The following SYNE2 variants were observed in gnomAD, a reference collection of about 807,000 sequenced individuals.
SYNE2 encodes nesprin-2.
A neutral mutation model predicts 856.3 loss-of-function variants in SYNE2; 431 were observed. That is an observed-to-expected ratio of 0.50 (90% CI 0.47 to 0.55). The LOEUF (loss-of-function observed/expected upper bound fraction) is 0.55, where lower values mean the gene tolerates loss of function less well. Ranked by LOEUF, SYNE2 falls within the 20% of genes least tolerant of loss-of-function variation. The probability of loss-of-function intolerance (pLI) is 0.00; values close to 1 mark genes in which losing one functional copy is unlikely to be tolerated. For synonymous variants in SYNE2, 2,923 were observed against 2,872.3 expected (o/e 1.02, Z -0.56); for missense variants, 8,129 against 8,023.2 (o/e 1.01, Z -0.50).
At chr14:64,063,929 C>T (rs557194107) in intron 50 of SYNE2, among the ~76,000 whole-genome samples, 1 of 152,028 alleles carries the variant, frequency 6.6e-6, no homozygotes, top group Non-Finnish European at 1.5e-5. Context: ...CTGTACACGC[C>T]TATGATAAAG....
At chr14:64,121,501 G>A (rs2097898202) in intron 68 of SYNE2, among the ~76,000 whole-genome samples, 1 of 152,180 alleles carries the variant, frequency 6.6e-6, no homozygotes, top group African/African-American at 2.4e-5. Flanking sequence ...CTAACCTGGG[G>A]TGATAGCGTG....
intron 85 of SYNE2, among the ~76,000 whole-genome samples, chr14:64,156,763 T>C (rs1450059460): frequency 3.3e-5 from 5 of 152,230 alleles, no homozygotes; most frequent in Non-Finnish European, 4.4e-5. Flanking sequence ...CTGGCCGCCT[T>C]CTTTATTTTC....
intron 32 of SYNE2, among the ~76,000 whole-genome samples, chr14:64,014,964 T>TACAC (rs1422283119): frequency 4.0e-5 from 2 of 49,790 alleles, no homozygotes; most frequent in African/African-American, 1.3e-4. Context: ...TATATATATA[T>TACAC]ATATATATAT....
chr14:63,941,379 T>C (rs546869750), intron 3 of SYNE2, among the ~76,000 whole-genome samples: 37 of 152,332 alleles, frequency 2.4e-4, no homozygotes, highest in African/African-American at 7.7e-4. Context: ...AGAAATGTAA[T>C]CTGCTTTCCA....
chr14:63,842,881 T>C (rs1275803129), intron 1 of SYNE2, among the ~76,000 whole-genome samples: 1 of 152,188 alleles, frequency 6.6e-6, no homozygotes, highest in Non-Finnish European at 1.5e-5. Context: ...TGTTTTCAGG[T>C]TTTTCTCATA....
At chr14:63,777,760 C>T (rs2139725946) in intron 1 of SYNE2, among the ~76,000 whole-genome samples, 1 of 152,234 alleles carries the variant, frequency 6.6e-6, no homozygotes, top group East Asian at 1.9e-4. Context: ...CCCGGAACTC[C>T]TGGGCCTAAG....
chr14:63,983,649 A>C, intron 17 of SYNE2, 88 bp from the exon 18 acceptor site: 1 of 1,111,618 alleles, frequency 9.0e-7, no homozygotes, highest in Non-Finnish European at 1.3e-6. Context: ...CATATATTTG[A>C]ATATATTACA....
intron 1 of SYNE2, among the ~76,000 whole-genome samples, chr14:63,858,610 C>G (rs1892588986): frequency 6.6e-6 from 1 of 152,048 alleles, no homozygotes; most frequent in Non-Finnish European, 1.5e-5. Flanking sequence ...GGAACCCACT[C>G]CTGCGATGAT....
chr14:64,167,539 G>T lies in SYNE2; in HGVS notation c.16805G>T (p.Cys5602Phe), dbSNP rs747150506. ...TTGAATGAAAAGTTTCTTTATTGCT[G>T]TGAAAAGTGGATCCAACTTTTGGAG... ...IGLNEKFLYCCEKWIQLLEKI... is the reference protein window; with the variant it reads ...IGLNEKFLYCFEKWIQLLEKI... Residue 5602 changes from cysteine (C) to phenylalanine (F), a missense_variant, in exon 92 of 116, where the codon TGT (cysteine) becomes TTT (phenylalanine). This residue lies in a region of SYNE2 where 5,410 missense variants were observed against 5,284.8 expected (regional missense o/e 1.02). Transcript: ENST00000555002. 1.2e-6 allele frequency: 2 copies of T among 1,614,112 alleles called. No individual in the cohort carries two copies. Among genetic ancestry groups the T allele is most frequent in the East Asian group, 4.5e-5 (2 of 44,898 alleles).
At chr14:63,879,507 C>T (rs1294365017) in intron 1 of SYNE2, among the ~76,000 whole-genome samples, 1 of 152,166 alleles carries the variant, frequency 6.6e-6, no homozygotes, top group Non-Finnish European at 1.5e-5. Context: ...TTCATTTCTT[C>T]CAGGAAAGGC....
intron 65 of SYNE2, 108 bp from the exon 66 acceptor site, chr14:64,113,233 T>A: frequency 6.3e-7 from 1 of 1,588,040 alleles, no homozygotes; most frequent in Non-Finnish European, 8.5e-7. Flanking sequence ...CCTTCTTCTG[T>A]CCTGATTTTG....
intron 42 of SYNE2, 128 bp from the exon 43 acceptor site, chr14:64,027,356 G>A (rs2096988732): frequency 1.6e-6 from 1 of 612,898 alleles, no homozygotes; most frequent in Non-Finnish European, 2.8e-6. Context: ...AATATCAAAA[G>A]AGTCTCTGGG....
intron 6 of SYNE2, among the ~76,000 whole-genome samples, chr14:63,947,343 T>C (rs941836624): frequency 8.5e-5 from 13 of 152,228 alleles, no homozygotes; most frequent in Admixed American, 7.9e-4. Flanking sequence ...AAATAAATTA[T>C]TCAATTAATT....
Position 64,221,843 on chromosome 14 carries a change from G to C in SYNE2, c.20190+139G>C, listed in dbSNP as rs937071339. 5 of 1,039,942 alleles carry C rather than the reference G, an allele frequency of 4.8e-6. No individual in the cohort carries two copies. The African/African-American group carries it at 7.8e-5, about 16-fold the overall frequency. The allele number at this position is 1,039,942 out of a possible 1,614,324, so 64.4% of individuals were successfully genotyped here. A position where few individuals can be genotyped will look rare whatever the true frequency, so the allele number is the denominator to read the frequency against. ...CTGTAAATGCACGAGTTCAGCCCTAGTGTTCCTCCAGTTGGTGTTTACCGA... is the reference window on the plus strand; with the variant it reads ...CTGTAAATGCACGAGTTCAGCCCTACTGTTCCTCCAGTTGGTGTTTACCGA... On this transcript the variant is annotated intron_variant, in intron 112 of 115. Coordinates refer to ENST00000555002, the MANE Select transcript of SYNE2 (RefSeq NM_182914.3).
At chr14:64,078,917 C>T (rs992990821) in intron 55 of SYNE2, among the ~76,000 whole-genome samples, 4 of 152,112 alleles carry the variant, frequency 2.6e-5, no homozygotes, top group Non-Finnish European at 5.9e-5. Context: ...ACTAAAAATA[C>T]AAATATTAGC....
At chr14:63,839,816 G>A (rs573742210) in intron 1 of SYNE2, among the ~76,000 whole-genome samples, 2 of 152,324 alleles carry the variant, frequency 1.3e-5, no homozygotes, top group East Asian at 3.9e-4. Context: ...TATGTCTTAA[G>A]ACATTATTCC....
intron 61 of SYNE2, among the ~76,000 whole-genome samples, chr14:64,096,995 C>T (rs2097682812): frequency 6.6e-6 from 1 of 152,214 alleles, no homozygotes; most frequent in African/African-American, 2.4e-5. Context: ...GTACTCACTT[C>T]AGGAGCTCAG....
At chr14:64,174,055 C>T (rs1406151863) in intron 94 of SYNE2, 1 of 579,748 alleles carries the variant, frequency 1.7e-6, no homozygotes, top group Non-Finnish European at 3.0e-6. Flanking sequence ...ATAAACAAGA[C>T]CTTGTCTCTT....
intron 1 of SYNE2, among the ~76,000 whole-genome samples, chr14:63,841,015 AAAAAC>A (rs545110673): frequency 2.0e-5 from 3 of 152,148 alleles, no homozygotes; most frequent in South Asian, 2.1e-4. Flanking sequence ...ACTCTGTCTC[AAAAAC>A]AAAACAAAAC....
Sources: allele counts gnomAD v4.1 joint callset (sites outside exome capture counted in the v4.1 genomes callset), GRCh38; gene constraint gnomAD v4.1.1; regional missense constraint gnomAD v4.1.1; transcripts MANE v1.5; gene names NCBI Gene and HGNC (gene_info 2026-07-23, HGNC 2026-07-21).